Variants in CD300A observed in about 807,000 individuals in gnomAD.
CD300A encodes CMRF35-like molecule 8.
In CD300A, 22 loss-of-function variants were observed where a neutral mutation model predicts 33.6. The ratio of observed to expected loss-of-function variants is 0.66; its 90% confidence interval spans 0.47 to 0.94. The LOEUF is 0.94. Among genes scored for constraint, CD300A ranks in the 40% least tolerant of loss-of-function variants. The probability of loss-of-function intolerance (pLI) is 0.00; values close to 1 mark genes in which losing one functional copy is unlikely to be tolerated. For synonymous variants in CD300A, 136 were observed against 148.1 expected (o/e 0.92, Z 0.59); for missense variants, 326 against 360.5 (o/e 0.90, Z 0.77).
chr17:74,481,373 T>A, intron 5 of CD300A, 47 bp downstream of exon 5: 1 of 1,576,664 alleles, frequency 6.3e-7, no homozygotes, highest in Non-Finnish European at 8.7e-7. Context: ...GGGCGGAGGG[T>A]ACAGAGGCTG....
At chr17:74,471,779 A>G (rs1056870509) in intron 1 of CD300A, among the ~76,000 whole-genome samples, 11 of 152,118 alleles carry the variant, frequency 7.2e-5, no homozygotes, top group African/African-American at 2.4e-4. Context: ...ATCTTTGGGC[A>G]GCCGTGGGCT....
At chr17:74,474,445 T>G (rs763286796) in intron 2 of CD300A, 87 bp from the exon 3 acceptor site, 2 of 1,367,222 alleles carry the variant, frequency 1.5e-6, no homozygotes, top group Middle Eastern at 1.9e-4. Flanking sequence ...GTGGGCAGTT[T>G]GTGTGAAATC....
chr17:74,474,211 C>T (rs1414034167), intron 2 of CD300A, among the ~76,000 whole-genome samples: 2 of 151,970 alleles, frequency 1.3e-5, no homozygotes, highest in African/African-American at 2.4e-5. Flanking sequence ...TGGGAAGCTG[C>T]TGTCCTCAGG....
At chr17:74,482,627 T>C (rs562115798) in intron 6 of CD300A, among the ~76,000 whole-genome samples, 1 of 151,106 alleles carries the variant, frequency 6.6e-6, no homozygotes, top group Admixed American at 6.6e-5. Context: ...GCTGTCTGCA[T>C]GAGGATGAGG....
intron 1 of CD300A, among the ~76,000 whole-genome samples, chr17:74,469,645 T>G (rs915141025): frequency 6.6e-6 from 1 of 152,030 alleles, no homozygotes; most frequent in African/African-American, 2.4e-5. Flanking sequence ...GCCAACATGG[T>G]GAAACCCCGT....
chr17:74,481,403 C>A, intron 5 of CD300A, 77 bp downstream of exon 5: 3 of 1,356,000 alleles, frequency 2.2e-6, no homozygotes, highest in South Asian at 1.2e-5. Context: ...TGGACAGTCC[C>A]ATCGGCCAAC....
At chr17:74,468,323 C>T (rs1905867042) in intron 1 of CD300A, among the ~76,000 whole-genome samples, 1 of 152,150 alleles carries the variant, frequency 6.6e-6, no homozygotes, top group Non-Finnish European at 1.5e-5. Flanking sequence ...CGTGAGCCAC[C>T]AAGCCTGGCC....
chr17:74,476,386 T>C (rs1273305876), intron 3 of CD300A, among the ~76,000 whole-genome samples: 1 of 152,218 alleles, frequency 6.6e-6, no homozygotes, highest in Admixed American at 6.5e-5. Flanking sequence ...CACAGGCTTC[T>C]GCCAACATAT....
intron 4 of CD300A, among the ~76,000 whole-genome samples, chr17:74,479,607 G>T (rs73995615): frequency 1.4e-4 from 21 of 152,172 alleles, no homozygotes; most frequent in African/African-American, 5.1e-4. Context: ...CTTAACATAT[G>T]GTACCATGTT....
chr17:74,481,327 G>T lies in CD300A; in HGVS notation c.666+1G>T, dbSNP rs892293928. On this transcript the variant is annotated splice_donor_variant, in intron 5 of 6. Transcript: ENST00000360141. LOFTEE classifies it high-confidence loss of function. ...AGAGCTGTCCCAGAACCCCAAGCAGGTAAGGGGGCTTTAGCAGGAGGTGTA... is the reference window on the plus strand; with the variant it reads ...AGAGCTGTCCCAGAACCCCAAGCAGTTAAGGGGGCTTTAGCAGGAGGTGTA... 3.1e-6 allele frequency: 5 copies of T among 1,613,758 alleles called. No homozygotes were observed. Among genetic ancestry groups the T allele is most frequent in the Non-Finnish European group, 4.2e-6 (5 of 1,179,886 alleles).
chr17:74,480,595 C>G lies in CD300A; in HGVS notation c.629-694C>G, dbSNP rs558678558. 1.7e-4 allele frequency among the ~76,000 whole-genome samples: 26 copies of G among 152,278 alleles called. No individual in the cohort carries two copies. Among genetic ancestry groups the G allele is most frequent in the Admixed American group, 8.5e-4 (13 of 15,298 alleles). ...ACGGGGATGGGAGCAGAGGCCCCAGCAACTTCCCACAGTCTGATGCAGCCC... is the reference window on the plus strand; with the variant it reads ...ACGGGGATGGGAGCAGAGGCCCCAGGAACTTCCCACAGTCTGATGCAGCCC... On this transcript the variant is annotated intron_variant, in intron 4 of 6. Transcript: ENST00000360141. This position sits in a 1 kb window ranked among gnomAD's most constrained non-coding sequence, Gnocchi z 4.2.
At chr17:74,479,923 G>T (rs1015804780) in intron 4 of CD300A, among the ~76,000 whole-genome samples, 1 of 152,126 alleles carries the variant, frequency 6.6e-6, no homozygotes, top group Non-Finnish European at 1.5e-5. Flanking sequence ...TGCCAGGCCT[G>T]TGCTGGGCCC....
chr17:74,478,075 A>G (rs909803648), intron 4 of CD300A, among the ~76,000 whole-genome samples: 3 of 152,048 alleles, frequency 2.0e-5, no homozygotes, highest in East Asian at 1.9e-4. Context: ...AACTTCTTGT[A>G]TCTCCTTTAA....
chr17:74,478,674 G>A (rs1022902922), intron 4 of CD300A, among the ~76,000 whole-genome samples: 6 of 152,276 alleles, frequency 3.9e-5, no homozygotes, highest in Non-Finnish European at 8.8e-5. Context: ...ATTCTCAGGG[G>A]AATCTTTGTC....
intron 6 of CD300A, among the ~76,000 whole-genome samples, chr17:74,482,899 G>A (rs189907344): frequency 1.3e-4 from 20 of 151,496 alleles, no homozygotes; most frequent in Admixed American, 4.6e-4. Context: ...TAGTAGAGAC[G>A]GGGCTTCACC....
chr17:74,466,714 C>T lies in CD300A; in HGVS notation c.11C>T (p.Pro4Leu). The T allele has an allele frequency of 6.3e-7, 1 of 1,597,184 alleles. No individual in the cohort carries two copies. The change falls in exon 1 of 7, where the codon CCT (proline) becomes CTT (leucine). Residue 4 changes from proline to leucine, a missense_variant. Pro to Leu is a moderately conservative substitution (Grantham distance 98, BLOSUM62 -3). Transcript: ENST00000360141. The part of the protein sequence containing the change: MWL[P>L]WALLLLWVPG... ...GCTGGGGAAGGGACCATGTGGCTGC[C>T]TTGGGCTCTGTTGCTTCTCTGGGTC...
intron 3 of CD300A, among the ~76,000 whole-genome samples, chr17:74,476,546 G>T (rs1906474412): frequency 6.6e-6 from 1 of 152,166 alleles, no homozygotes; most frequent in African/African-American, 2.4e-5. Flanking sequence ...AAAAAGATGA[G>T]AAAATTATGA....
At position 74,466,735 on chromosome 17, in the gene CD300A, G is replaced by A; in HGVS notation, c.32G>A (p.Trp11Ter). 1.3e-6 allele frequency: 2 copies of A among 1,593,940 alleles called. No homozygotes were observed. The highest frequency in any genetic ancestry group is 8.5e-7 in the Non-Finnish European group (1 of 1,169,814). The stretch of plus-strand genomic sequence containing the variant: ...CTGCCTTGGGCTCTGTTGCTTCTCT[G>A]GGTCCCAGGTGAGAGTTTCCCTTCC... MWLPWALLLLWVPGCFALSKC... is the reference protein window; with the variant it reads MWLPWALLLL The change falls in exon 1 of 7, where the codon TGG (tryptophan) becomes TAG (stop). Residue 11 changes from tryptophan to a stop codon, truncating the protein, a stop_gained. Coordinates refer to ENST00000360141, the MANE Select transcript of CD300A (RefSeq NM_007261.4). LOFTEE classifies it high-confidence loss of function.
rs747488553 is a variant in CD300A at position 74,484,088 on chromosome 17, G to A, written c.862G>A (p.Glu288Lys). The change falls in exon 7 of 7, where the codon GAA (glutamate) becomes AAA (lysine). Residue 288 changes from glutamate to lysine, a missense_variant. Physicochemically the swap from Glu to Lys is moderately conservative, Grantham distance 56 (BLOSUM62 1). Transcript: ENST00000360141. ...RIAAQRPREE[E>K]PDSDYSVIRK... ...AGCTGCTCAGAGGCCTCGGGAGGAG[G>A]AACCAGATTCAGATTACAGTGTGAT... 14 of 1,614,050 alleles carry A rather than the reference G, an allele frequency of 8.7e-6. 1 individual carries two copies. In the South Asian group the frequency reaches 1.5e-4, roughly 18 times the overall value.
Sources: allele counts gnomAD v4.1 joint callset (sites outside exome capture counted in the v4.1 genomes callset), GRCh38; gene constraint gnomAD v4.1.1; non-coding constraint Gnocchi (gnomAD v3.1); transcripts MANE v1.5; gene names NCBI Gene and HGNC (gene_info 2026-07-23, HGNC 2026-07-21).